Variants in PDE4D observed in about 807,000 individuals in gnomAD.
PDE4D encodes the protein phosphodiesterase 4D, also known as 3',5'-cyclic-AMP phosphodiesterase 4D.
In PDE4D, 24 loss-of-function variants were observed where a neutral mutation model predicts 87.4. The ratio of observed to expected loss-of-function variants is 0.27; its 90% confidence interval spans 0.20 to 0.39. PDE4D has a LOEUF of 0.39. Ranked by LOEUF, PDE4D falls within the 10% of genes least tolerant of loss-of-function variation. The pLI is 1.00. For missense variants in PDE4D, 714 were observed against 1,041.0 expected, an observed-to-expected ratio of 0.69 and a Z score of 4.32; for synonymous variants, 384 against 383.2, an observed-to-expected ratio of 1.00 and a Z score of -0.02.
chr5:59,870,522 A>C (rs765974647), intron 1 of PDE4D, among the ~76,000 whole-genome samples: 1 of 152,250 alleles, frequency 6.6e-6, no homozygotes, highest in Non-Finnish European at 1.5e-5. Flanking sequence ...AAGACATGAA[A>C]GCATAAATAT....
At chr5:59,794,535 T>C (rs1766231740) in intron 1 of PDE4D, among the ~76,000 whole-genome samples, 1 of 152,050 alleles carries the variant, frequency 6.6e-6, no homozygotes, top group African/African-American at 2.4e-5. Flanking sequence ...CCCTCAGGGC[T>C]TATGTTCCAC....
chr5:59,893,662 T>A lies in PDE4D; in HGVS notation c.-40A>T. On this transcript the variant is annotated 5_prime_UTR_variant, in exon 1 of 15. Coordinates refer to ENST00000340635, the MANE Select transcript of PDE4D (RefSeq NM_001104631.2). ...CCGCGACCTGCTGCCCAGCCCGGGT[T>A]CACCGCGCTGGCCCGAGCGCCTTCC... The A allele has an allele frequency of 7.0e-7, 1 of 1,438,538 alleles. No individual in the cohort carries two copies. Among genetic ancestry groups the A allele is most frequent in the Admixed American group, 3.1e-5 (1 of 32,656 alleles). The allele number at this position is 1,438,538 out of a possible 1,614,324, so 89.1% of individuals were successfully genotyped here. A position where few individuals can be genotyped will look rare whatever the true frequency, so the allele number is the denominator to read the frequency against.
intron 5 of PDE4D, among the ~76,000 whole-genome samples, chr5:59,119,871 G>T (rs982526189): frequency 2.0e-5 from 3 of 152,180 alleles, no homozygotes; most frequent in Non-Finnish European, 4.4e-5. Flanking sequence ...TTGAGATGGG[G>T]TCTTGTTCTG....
In PDE4D at chr5:59,396,639, T is replaced by A. The variant is rs1294770454; in HGVS notation, c.456-180671A>T. ...GCCGCTGCAAAATCATGCCAAAATG[T>A]AAAGACCATCGAGACTAGGAAGAAA... On this transcript the variant is annotated intron_variant, in intron 1 of 14. Coordinates refer to ENST00000340635, the MANE Select transcript of PDE4D (RefSeq NM_001104631.2). 1.9e-5 allele frequency among the ~76,000 whole-genome samples: 2 copies of A among 107,106 alleles called. 1 individual carries two copies. The highest frequency in any genetic ancestry group is 8.2e-5 in the African/African-American group (2 of 24,532). The allele number at this position is 107,106 out of a possible 152,430, so 70.3% of individuals were successfully genotyped here. A position where few individuals can be genotyped will look rare whatever the true frequency, so the allele number is the denominator to read the frequency against.
intron 1 of PDE4D, among the ~76,000 whole-genome samples, chr5:60,264,308 G>A (rs1749949855): frequency 6.6e-6 from 1 of 152,140 alleles, no homozygotes; most frequent in Non-Finnish European, 1.5e-5. Flanking sequence ...AATTTTTCCT[G>A]ACACGACTTG....
chr5:60,196,153 T>C (rs954809069), intron 1 of PDE4D, among the ~76,000 whole-genome samples: 2 of 151,720 alleles, frequency 1.3e-5, no homozygotes, highest in Admixed American at 1.3e-4. Flanking sequence ...CCAAATAGCC[T>C]AATTCTTCAC....
chr5:59,688,133 C>A (rs1337400425), intron 1 of PDE4D, among the ~76,000 whole-genome samples: 1 of 152,168 alleles, frequency 6.6e-6, no homozygotes, highest in Non-Finnish European at 1.5e-5. Flanking sequence ...GACTGTAACA[C>A]CCCACTGTCA....
chr5:59,629,322 G>C (rs1831280200), intron 1 of PDE4D, among the ~76,000 whole-genome samples: 1 of 152,076 alleles, frequency 6.6e-6, no homozygotes, highest in Non-Finnish European at 1.5e-5. Context: ...GATGTTATTA[G>C]TTAAGATGAG....
chr5:59,641,826 A>C (rs1301674974), intron 1 of PDE4D, among the ~76,000 whole-genome samples: 1 of 152,228 alleles, frequency 6.6e-6, no homozygotes, highest in African/African-American at 2.4e-5. Context: ...TTTTGAAAGT[A>C]GACACTAATA....
intron 1 of PDE4D, among the ~76,000 whole-genome samples, chr5:59,613,294 G>A (rs1829232831): frequency 6.6e-6 from 1 of 152,220 alleles, no homozygotes; most frequent in Non-Finnish European, 1.5e-5. Context: ...TCCAGGAGGA[G>A]CAAGTTTGCT....
At chr5:60,173,556 A>T (rs778374585) in intron 2 of PDE4D, among the ~76,000 whole-genome samples, 1 of 151,830 alleles carries the variant, frequency 6.6e-6, no homozygotes. Flanking sequence ...TGTAACAGAA[A>T]TTACACACAC....
chr5:59,617,459 C>G (rs1312100398), intron 1 of PDE4D, among the ~76,000 whole-genome samples: 1 of 152,186 alleles, frequency 6.6e-6, no homozygotes, highest in South Asian at 2.1e-4. Flanking sequence ...GAAGTCCTAA[C>G]TCCTCGTACG....
Position 59,025,755 on chromosome 5 carries a change from G to C in PDE4D, c.921+13104C>G, listed in dbSNP as rs114558939. ...AATCAGCCAGTTATTTTCTGAAATG[G>C]AGATGGCAGACATTAGCCTGCACTT... is the stretch of plus-strand genomic sequence containing the variant. On this transcript the variant is annotated intron_variant, in intron 6 of 14. Coordinates refer to ENST00000340635, the MANE Select transcript of PDE4D (RefSeq NM_001104631.2). 1.3e-3 allele frequency among the ~76,000 whole-genome samples: 199 copies of C among 152,324 alleles called. 1 individual carries two copies. Among genetic ancestry groups the C allele is most frequent in the African/African-American group, 4.6e-3 (190 of 41,566 alleles).
chr5:59,934,471 C>A (rs548094419), intron 3 of PDE4D, among the ~76,000 whole-genome samples: 24 of 152,222 alleles, frequency 1.6e-4, no homozygotes, highest in African/African-American at 5.5e-4. Context: ...GCTATAATTG[C>A]CCTGCATAAT....
chr5:58,970,841 A>T lies in PDE4D; in HGVS notation c.*3823T>A, dbSNP rs1301665110. ...TGAGCTCTAGAAGCCAAAAGGACTT[A>T]AAAAAAAGAAAAAGATTGTTTATAA... On this transcript the variant is annotated 3_prime_UTR_variant, in exon 15 of 15. Coordinates refer to ENST00000340635, the MANE Select transcript of PDE4D (RefSeq NM_001104631.2). 3 of 151,984 alleles carry T rather than the reference A, an allele frequency of 2.0e-5. No individual in the cohort carries two copies. Among genetic ancestry groups the T allele is most frequent in the African/African-American group, 4.8e-5 (2 of 41,390 alleles). The allele number at this position is 151,984 out of a possible 1,614,324, so 9.4% of individuals were successfully genotyped here. A position where few individuals can be genotyped will look rare whatever the true frequency, so the allele number is the denominator to read the frequency against.
chr5:60,363,647 G>T (rs1167772380), intron 1 of PDE4D, among the ~76,000 whole-genome samples: 1 of 152,200 alleles, frequency 6.6e-6, no homozygotes, highest in African/African-American at 2.4e-5. Flanking sequence ...AGAGTGATGG[G>T]ATACTGTGAT....
intron 1 of PDE4D, among the ~76,000 whole-genome samples, chr5:60,407,169 G>A (rs1741609517): frequency 6.6e-6 from 1 of 152,160 alleles, no homozygotes; most frequent in South Asian, 2.1e-4. Flanking sequence ...GAGTACCTGA[G>A]AGTACCTTTA....
At chr5:59,021,283 G>C (rs1215484020) in intron 6 of PDE4D, among the ~76,000 whole-genome samples, 1 of 152,072 alleles carries the variant, frequency 6.6e-6, no homozygotes, top group African/African-American at 2.4e-5. Context: ...TAAAAAATAG[G>C]CTATCATAGA....
intron 5 of PDE4D, among the ~76,000 whole-genome samples, chr5:59,117,825 G>A (rs1483850307): frequency 7.6e-6 from 1 of 132,378 alleles, no homozygotes; most frequent in African/African-American, 2.8e-5. Context: ...TTTTTTTTGT[G>A]AGGGGTGGTG....
Sources: gnomAD v4.1 joint callset for allele counts (sites outside exome capture counted in the v4.1 genomes callset) on GRCh38, gnomAD v4.1.1 for gene constraint, MANE v1.5 for transcripts, NCBI Gene and HGNC (gene_info 2026-07-23, HGNC 2026-07-21) for gene names.